GNA13: variants seen among roughly 807,000 people sequenced by gnomAD.
GNA13 encodes guanine nucleotide-binding protein subunit alpha-13.
GNA13 carries 4 observed loss-of-function variants against 33.5 expected under a neutral mutation model. The observed-to-expected ratio is 0.12, with a 90% CI of 0.06 to 0.27. The LOEUF (loss-of-function observed/expected upper bound fraction) is 0.27, where lower values mean the gene tolerates loss of function less well. Ranked by LOEUF, GNA13 falls within the 10% of genes least tolerant of loss-of-function variation. The pLI is 1.00. For missense variants in GNA13, 319 were observed against 487.2 expected (o/e 0.65, Z 3.25); for synonymous variants, 176 against 183.8 (o/e 0.96, Z 0.34).
At chr17:65,031,411 T>C (rs931982672) in intron 2 of GNA13, among the ~76,000 whole-genome samples, 1 of 152,236 alleles carries the variant, frequency 6.6e-6, no homozygotes, top group African/African-American at 2.4e-5. Flanking sequence ...GTCTGTGTTC[T>C]AAAATAGCTA....
chr17:65,039,861 T>G (rs1384567313), intron 2 of GNA13, among the ~76,000 whole-genome samples: 1 of 152,234 alleles, frequency 6.6e-6, no homozygotes, highest in Non-Finnish European at 1.5e-5. Context: ...CAGTAACACG[T>G]GACTGCATGG....
chr17:65,036,223 C>T (rs1352850261), intron 2 of GNA13, among the ~76,000 whole-genome samples: 1 of 152,152 alleles, frequency 6.6e-6, no homozygotes, highest in Non-Finnish European at 1.5e-5. Context: ...AGCAAGCCAA[C>T]CTGTAAATAT....
intron 2 of GNA13, among the ~76,000 whole-genome samples, chr17:65,040,088 T>G (rs999495357): frequency 1.5e-4 from 23 of 152,022 alleles, no homozygotes; most frequent in African/African-American, 5.6e-4. Flanking sequence ...AATAAAATAC[T>G]TTTTCAAAAA....
rs368542859 is a variant in GNA13, at chr17:65,010,805, A to G, written c.*3452T>C. 4.7e-6 allele frequency: 1 copy of G among 211,646 alleles called. No individual in the cohort carries two copies. The highest frequency in any genetic ancestry group is 2.3e-5 in the African/African-American group (1 of 44,178). 13.1% of individuals were successfully genotyped at this position (211,646 alleles called of 1,614,324 possible). On this transcript the variant is annotated 3_prime_UTR_variant, in exon 4 of 4. Coordinates refer to ENST00000439174, the MANE Select transcript of GNA13 (RefSeq NM_006572.6). ...GGATTCAAACAAGAAATTAACACTG[A>G]TATTTAGCCTTCTCATGACATACAC... is the stretch of plus-strand genomic sequence containing the variant.
At chr17:65,030,618 G>T (rs1211633830) in intron 2 of GNA13, among the ~76,000 whole-genome samples, 1 of 152,190 alleles carries the variant, frequency 6.6e-6, no homozygotes, top group African/African-American at 2.4e-5. Flanking sequence ...AAAATGTCCA[G>T]AATTTAATTG....
rs1450100547 is a variant in GNA13, at chr17:65,056,571, C to A, written c.23G>T (p.Arg8Leu). The A allele has an allele frequency of 6.2e-7, 1 of 1,607,482 alleles. No homozygotes were observed. Among genetic ancestry groups the A allele is most frequent in the Admixed American group, 1.7e-5 (1 of 59,734 alleles). The change falls in exon 1 of 4, where the codon CGG (arginine) becomes CTG (leucine). Residue 8 changes from arginine (R) to leucine (L), a missense_variant. By Grantham distance (102) the Arg-to-Leu change is moderately radical. Coordinates refer to ENST00000439174, the MANE Select transcript of GNA13 (RefSeq NM_006572.6). ...GGGGAAGCACACGGACAGCACGGAC[C>A]GCGACGGCAGGAAGTCCGCCATCTT... is the stretch of plus-strand genomic sequence containing the variant. Reference protein sequence around the residue: MADFLPSRSVLSVCFPGC... With the variant: MADFLPSLSVLSVCFPGC...
At position 65,053,727 on chromosome 17, in the gene GNA13, A is replaced by C. The variant is rs1907938705; in HGVS notation, c.285T>G (p.Gly95=). 1 of 1,598,456 alleles carries C rather than the reference A, an allele frequency of 6.3e-7. No homozygotes were observed. The highest frequency in any genetic ancestry group is 1.3e-5 in the African/African-American group (1 of 74,272). The change falls in exon 2 of 4, where the codon GGT becomes GGG. Residue 95 remains glycine (G), a splice_region_variant and synonymous_variant. Transcript: ENST00000439174. ...CTCGAGCATCAACCAGCACCCTCATACCTTTGTTTAAAAAGAAGAAAAAAA... is the reference window on the plus strand; with the variant it reads ...CTCGAGCATCAACCAGCACCCTCATCCCTTTGTTTAAAAAGAAGAAAAAAA... ...RPTIYSNVIK[G]MRVLVDAREK...
intron 2 of GNA13, among the ~76,000 whole-genome samples, chr17:65,047,260 C>T (rs1275971297): frequency 1.3e-5 from 2 of 152,118 alleles, no homozygotes; most frequent in East Asian, 3.9e-4. Context: ...AGGTGGCTCA[C>T]TACTGTAATC....
At chr17:65,038,340 T>C (rs1387133943) in intron 2 of GNA13, among the ~76,000 whole-genome samples, 4 of 151,606 alleles carry the variant, frequency 2.6e-5, no homozygotes, top group Admixed American at 6.6e-5. Context: ...GAGGCGGAGG[T>C]TGCAGTGAGC....
At chr17:65,044,390 T>C (rs1479964040) in intron 2 of GNA13, among the ~76,000 whole-genome samples, 3 of 152,118 alleles carry the variant, frequency 2.0e-5, no homozygotes, top group Admixed American at 6.5e-5. Context: ...TAGACAAAGG[T>C]GAATAGTATA....
chr17:65,029,735 T>C (rs1906933843), intron 2 of GNA13, among the ~76,000 whole-genome samples: 2 of 152,238 alleles, frequency 1.3e-5, no homozygotes, highest in Middle Eastern at 3.2e-3. Context: ...AATTTTACCC[T>C]GTACAGAGCA....
chr17:65,030,548 C>G (rs1906964471), intron 2 of GNA13, among the ~76,000 whole-genome samples: 1 of 152,186 alleles, frequency 6.6e-6, no homozygotes, highest in African/African-American at 2.4e-5. Context: ...CTATCACACT[C>G]AAGTAGGCTA....
chr17:65,028,098 T>C lies in GNA13; in HGVS notation c.511-9795A>G, dbSNP rs559205711. Among the ~76,000 whole-genome samples the C allele has an allele frequency of 1.4e-3, 209 of 152,162 alleles. 1 individual carries two copies. The highest frequency in any genetic ancestry group is 2.1e-3 in the Non-Finnish European group (142 of 67,980). ...AAAATCAGCCGGGCGCGGTGGCGGG[T>C]GCCTGTAGTCCCAGCTACTCGGGAG... is the stretch of plus-strand genomic sequence containing the variant. On this transcript the variant is annotated intron_variant, in intron 2 of 3. Coordinates refer to ENST00000439174, the MANE Select transcript of GNA13 (RefSeq NM_006572.6).
intron 2 of GNA13, among the ~76,000 whole-genome samples, chr17:65,040,528 C>T (rs776887549): frequency 6.6e-6 from 1 of 152,004 alleles, no homozygotes; most frequent in Non-Finnish European, 1.5e-5. Context: ...TTTTTTGAGA[C>T]GGAGTCTTGC....
chr17:65,056,321 G>A lies in GNA13; in HGVS notation c.273C>T (p.Asn91=). The A allele has an allele frequency of 6.5e-7, 1 of 1,542,038 alleles. No homozygotes were observed. Among genetic ancestry groups the A allele is most frequent in the Non-Finnish European group, 8.8e-7 (1 of 1,138,008 alleles). The part of the protein sequence containing the change: ...REEFRPTIYS[N]VIKGMRVLVD... ...TTCCCGGCCCGGCACCTTTGATCAC[G>A]TTGCTGTAGATGGTGGGGCGGAACT... The change falls in exon 1 of 4, where the codon AAC becomes AAT. Residue 91 remains asparagine (N), a synonymous_variant. Transcript: ENST00000439174.
At chr17:65,054,548 C>T (rs1907968878) in intron 1 of GNA13, among the ~76,000 whole-genome samples, 1 of 152,202 alleles carries the variant, frequency 6.6e-6, no homozygotes, top group African/African-American at 2.4e-5. Flanking sequence ...TGGGCTCAAG[C>T]CATCCTCCCA....
chr17:65,051,353 T>C (rs7342915), intron 2 of GNA13, among the ~76,000 whole-genome samples: 150,068 of 152,274 alleles, frequency 0.99, 73,987 homozygotes, highest in Middle Eastern at 1. Context: ...CAGTGGCTCA[T>C]GCCTGTAATC....
At chr17:65,051,981 T>G (rs1162392742) in intron 2 of GNA13, 25 of 152,198 alleles carry the variant, frequency 1.6e-4, no homozygotes, top group Non-Finnish European at 4.4e-5. Context: ...AAAATTAAGG[T>G]GTCAGTTTTA....
chr17:65,030,177 A>G (rs1436443554), intron 2 of GNA13, among the ~76,000 whole-genome samples: 1 of 152,246 alleles, frequency 6.6e-6, no homozygotes, highest in East Asian at 1.9e-4. Context: ...ATATAAAGAT[A>G]GAATTTGGAA....
Sources: gnomAD v4.1 joint callset for allele counts (sites outside exome capture counted in the v4.1 genomes callset) on GRCh38, gnomAD v4.1.1 for gene constraint, MANE v1.5 for transcripts, NCBI Gene and HGNC (gene_info 2026-07-23, HGNC 2026-07-21) for gene names.